DLGAP4: variants seen among roughly 807,000 people sequenced by gnomAD.
DLGAP4 encodes disks large-associated protein 4.
Under a neutral mutation model 86.9 loss-of-function variants are expected in DLGAP4, and 18 were observed. The observed-to-expected ratio is 0.21, with a 90% CI of 0.14 to 0.31. DLGAP4 has a LOEUF of 0.31. DLGAP4 is among the 10% of genes least tolerant of loss of function. The probability of loss-of-function intolerance (pLI) is 1.00; values close to 1 mark genes in which losing one functional copy is unlikely to be tolerated. For synonymous variants in DLGAP4, 548 were observed against 574.3 expected (o/e 0.95, Z 0.65); for missense variants, 1,085 against 1,362.6 (o/e 0.80, Z 3.21).
chr20:36,382,300 GC>G (rs1300917079), intron 2 of DLGAP4, among the ~76,000 whole-genome samples: 1 of 151,706 alleles, frequency 6.6e-6, no homozygotes, highest in Non-Finnish European at 1.5e-5. Context: ...GCTCACTGCA[GC>G]CTTGAATACC....
intron 1 of DLGAP4, among the ~76,000 whole-genome samples, chr20:36,340,073 T>C (rs1300604450): frequency 1.3e-5 from 2 of 152,138 alleles, no homozygotes; most frequent in Non-Finnish European, 2.9e-5. Context: ...AATATGCTAA[T>C]CAACCCTGTG....
chr20:36,347,890 C>T (rs1339442727), intron 1 of DLGAP4, among the ~76,000 whole-genome samples: 4 of 151,526 alleles, frequency 2.6e-5, no homozygotes, highest in African/African-American at 9.7e-5. Flanking sequence ...GATGGGTAGG[C>T]AGTTCAGGGC....
intron 8 of DLGAP4, chr20:36,499,363 C>T: frequency 6.3e-7 from 1 of 1,594,956 alleles, no homozygotes; most frequent in Middle Eastern, 2.3e-4. Flanking sequence ...CACCTCCCGC[C>T]CACCTGCCCG....
intron 1 of DLGAP4, among the ~76,000 whole-genome samples, chr20:36,317,276 T>TTTC (rs1262446466): frequency 0.065 from 575 of 8,840 alleles, 4 homozygotes; most frequent in East Asian, 0.096. Flanking sequence ...TCTTTCTTTC[T>TTTC]TATCTTTCTT....
At chr20:36,345,100 C>T (rs1193909476) in intron 1 of DLGAP4, among the ~76,000 whole-genome samples, 1 of 152,184 alleles carries the variant, frequency 6.6e-6, no homozygotes, top group African/African-American at 2.4e-5. Flanking sequence ...GCCCATTATA[C>T]AAGATGGGGA....
At chr20:36,486,110 AT>A (rs1418466106) in intron 7 of DLGAP4, among the ~76,000 whole-genome samples, 3 of 152,154 alleles carry the variant, frequency 2.0e-5, no homozygotes, top group Non-Finnish European at 4.4e-5. Flanking sequence ...CAGTTGTCAA[AT>A]AGGGGTTTGT....
At chr20:36,413,590 T>G (rs6032551) in intron 2 of DLGAP4, among the ~76,000 whole-genome samples, 1,848 of 141,916 alleles carry the variant, frequency 0.013, 32 homozygotes, top group African/African-American at 0.04. Flanking sequence ...TAATTTTTTG[T>G]TTTTTTTTTT....
At chr20:36,313,883 C>T (rs1378167780) in intron 1 of DLGAP4, among the ~76,000 whole-genome samples, 1 of 152,176 alleles carries the variant, frequency 6.6e-6, no homozygotes, top group African/African-American at 2.4e-5. Context: ...CTCTGGGTCT[C>T]AGTTACCCCA....
chr20:36,340,618 C>T (rs555646664), intron 1 of DLGAP4, among the ~76,000 whole-genome samples: 3 of 152,254 alleles, frequency 2.0e-5, no homozygotes, highest in African/African-American at 4.8e-5. Context: ...ATCAGATCAG[C>T]GGCATTAGTT....
At chr20:36,328,163 C>T (rs1482661555) in intron 1 of DLGAP4, among the ~76,000 whole-genome samples, 1 of 151,872 alleles carries the variant, frequency 6.6e-6, no homozygotes, top group African/African-American at 2.4e-5. Context: ...GGTACCACTG[C>T]ATTCCAGCCC....
rs552487522 is a variant in DLGAP4 at position 36,382,536 on chromosome 20, T to C, written c.-73+15261T>C. Among the ~76,000 whole-genome samples the C allele has an allele frequency of 1.1e-4, 15 of 140,328 alleles. No homozygotes were observed. In the South Asian group the frequency reaches 3.4e-3, roughly 32 times the overall value. The allele number at this position is 140,328 out of a possible 152,430, so 92.1% of individuals were successfully genotyped here. ...CTTTCTTTCTTTTTTTCTTTTTTTT[T>C]TTTTTTTTTTTGAGACAGAGTCTCA... On this transcript the variant is annotated intron_variant, in intron 2 of 12. Coordinates refer to ENST00000339266, the MANE Select transcript of DLGAP4 (RefSeq NM_001365621.2).
At chr20:36,444,905 G>T (rs1262132857) in intron 6 of DLGAP4, among the ~76,000 whole-genome samples, 1 of 151,940 alleles carries the variant, frequency 6.6e-6, no homozygotes. Flanking sequence ...GTCCCAAAGT[G>T]CTGGGATTAC....
chr20:36,335,837 C>G (rs143738218), intron 1 of DLGAP4, among the ~76,000 whole-genome samples: 36 of 152,286 alleles, frequency 2.4e-4, no homozygotes, highest in African/African-American at 8.7e-4. Flanking sequence ...GACCTGGTTT[C>G]CCAGAGCTGC....
At chr20:36,449,756 T>G (rs1244800686) in intron 7 of DLGAP4, among the ~76,000 whole-genome samples, 1 of 152,224 alleles carries the variant, frequency 6.6e-6, no homozygotes, top group Non-Finnish European at 1.5e-5. Context: ...ATGAATGGAC[T>G]AAAGATAGGG....
chr20:36,513,806 A>G (rs1459924545), intron 10 of DLGAP4, among the ~76,000 whole-genome samples: 1 of 152,194 alleles, frequency 6.6e-6, no homozygotes, highest in Non-Finnish European at 1.5e-5. Flanking sequence ...TGAGTGAAGA[A>G]GAGGATGGCA....
At chr20:36,420,463 G>T (rs1483681020) in intron 2 of DLGAP4, among the ~76,000 whole-genome samples, 1 of 152,168 alleles carries the variant, frequency 6.6e-6, no homozygotes, top group African/African-American at 2.4e-5. Flanking sequence ...GCAAAAGCAG[G>T]AGCAAACCAT....
At chr20:36,382,527 CTTT>C (rs749210064) in intron 2 of DLGAP4, among the ~76,000 whole-genome samples, 1 of 110,464 alleles carries the variant, frequency 9.1e-6, no homozygotes, top group Admixed American at 9.5e-5. Context: ...TTCTTTTTTT[CTTT>C]TTTTTTTTTT....
chr20:36,441,034 C>T (rs540509927), intron 5 of DLGAP4, among the ~76,000 whole-genome samples: 2 of 152,112 alleles, frequency 1.3e-5, no homozygotes, highest in East Asian at 3.9e-4. Flanking sequence ...CCCTGCCCCC[C>T]TCATCCAGAC....
At chr20:36,414,117 T>G (rs1005935218) in intron 2 of DLGAP4, among the ~76,000 whole-genome samples, 3 of 152,124 alleles carry the variant, frequency 2.0e-5, no homozygotes, top group African/African-American at 7.2e-5. Flanking sequence ...CAGTTTCAAA[T>G]GAAGAAAACT....
Sources: allele counts gnomAD v4.1 joint callset (sites outside exome capture counted in the v4.1 genomes callset), GRCh38; gene constraint gnomAD v4.1.1; transcripts MANE v1.5; gene names NCBI Gene and HGNC (gene_info 2026-07-23, HGNC 2026-07-21).